Variants in AR observed in about 807,000 individuals in gnomAD.
The protein encoded by AR is androgen receptor.
AR carries 8 observed loss-of-function variants against 53.9 expected under a neutral mutation model. The ratio of observed to expected loss-of-function variants is 0.15; its 90% confidence interval spans 0.09 to 0.27. The LOEUF is 0.27. AR is among the 10% of genes least tolerant of loss of function. AR has a pLI of 1.00. For synonymous variants in AR, 359 were observed against 316.4 expected (o/e 1.13, Z -1.43); for missense variants, 639 against 742.5 (o/e 0.86, Z 1.62).
intron 1 of AR, among the ~76,000 whole-genome samples, chrX:67,590,498 G>C (rs1428689640): frequency 8.9e-6 from 1 of 112,000 alleles, no homozygotes; most frequent in African/African-American, 3.2e-5. Context: ...TGATAATAAT[G>C]ATATCTCACT....
chrX:67,659,997 G>T (rs1926799170), intron 2 of AR, among the ~76,000 whole-genome samples: 1 of 112,070 alleles, frequency 8.9e-6, no homozygotes, highest in South Asian at 3.7e-4. Flanking sequence ...GTGTCTGTTG[G>T]CTGTGTAAAT....
At chrX:67,660,076 G>C (rs1479258753) in intron 2 of AR, among the ~76,000 whole-genome samples, 10 of 111,489 alleles carry the variant, frequency 9.0e-5, no homozygotes, top group Non-Finnish European at 1.9e-5. Flanking sequence ...TTTTTTTCTT[G>C]TAAATTTGTT....
chrX:67,672,678 G>C (rs760459743), intron 2 of AR, among the ~76,000 whole-genome samples: 1 of 110,628 alleles, frequency 9.0e-6, no homozygotes, highest in East Asian at 2.9e-4. Flanking sequence ...TCACTTTGTC[G>C]TTTCTATTTA....
chrX:67,648,746 G>A (rs763050854), intron 2 of AR, among the ~76,000 whole-genome samples: 4 of 112,191 alleles, frequency 3.6e-5, no homozygotes, highest in Non-Finnish European at 7.5e-5. Flanking sequence ...GGATTAATAA[G>A]AAGTTGCCAT....
intron 1 of AR, among the ~76,000 whole-genome samples, chrX:67,617,167 G>T (rs953849673): frequency 9.0e-6 from 1 of 111,592 alleles, no homozygotes; most frequent in Non-Finnish European, 1.9e-5. Flanking sequence ...GTCTGGAAAT[G>T]GAGTTAATGA....
chrX:67,630,315 G>C (rs1259579627), intron 1 of AR, among the ~76,000 whole-genome samples: 2 of 111,088 alleles, frequency 1.8e-5, no homozygotes, highest in Non-Finnish European at 3.8e-5. Context: ...TATGAATCTG[G>C]GTGCTCCTGT....
chrX:67,674,137 CA>C (rs2075884131), intron 2 of AR, among the ~76,000 whole-genome samples: 1 of 110,114 alleles, frequency 9.1e-6, no homozygotes, highest in African/African-American at 3.3e-5. Flanking sequence ...TCTCTTCTCT[CA>C]CTTTCCCCCA....
At chrX:67,613,210 G>T (rs1418323646) in intron 1 of AR, among the ~76,000 whole-genome samples, 1 of 111,989 alleles carries the variant, frequency 8.9e-6, no homozygotes, top group Admixed American at 9.5e-5. Context: ...GTGTCATTCT[G>T]GGAGAAGCAG....
rs1569263728 is a variant in AR at position 67,545,418 on chromosome X, A to G, written c.272A>G (p.Gln91Arg). 1 of 1,197,597 alleles carries G rather than the reference A, an allele frequency of 8.4e-7. No individual in the cohort carries two copies. Among genetic ancestry groups the G allele is most frequent in the African/African-American group, 1.8e-5 (1 of 57,028 alleles). The part of the protein sequence containing the change: ...ETSPRQQQQQ[Q>R]GEDGSPQAHR... ...AGCCCCAGGCAGCAGCAGCAGCAGC[A>G]GGGTGAGGATGGTTCTCCCCAAGCC... Residue 91 changes from glutamine (Q) to arginine (R), a missense_variant, in exon 1 of 8, where the codon CAG (glutamine) becomes CGG (arginine). Physicochemically the swap from Gln to Arg is conservative, Grantham distance 43 (BLOSUM62 1). This residue lies in a region of AR where 55 missense variants were observed against 84.8 expected (regional missense o/e 0.65). Coordinates refer to ENST00000374690, the MANE Select transcript of AR (RefSeq NM_000044.6).
intron 1 of AR, among the ~76,000 whole-genome samples, chrX:67,604,345 A>G (rs950452131): frequency 2.8e-5 from 3 of 108,726 alleles, no homozygotes; most frequent in East Asian, 2.9e-4. Flanking sequence ...AGAGGCCTTA[A>G]AGGTGTTGAT....
intron 1 of AR, among the ~76,000 whole-genome samples, chrX:67,632,367 A>G (rs976461750): frequency 1.7e-4 from 19 of 112,560 alleles, no homozygotes; most frequent in African/African-American, 5.8e-4. Flanking sequence ...GCCCGTCAGA[A>G]AAACGCAGTA....
At chrX:67,576,827 C>A (rs1922067642) in intron 1 of AR, among the ~76,000 whole-genome samples, 1 of 110,384 alleles carries the variant, frequency 9.1e-6, no homozygotes, top group Non-Finnish European at 1.9e-5. Context: ...TAACTCTTGG[C>A]TGCATAACCC....
intron 2 of AR, among the ~76,000 whole-genome samples, chrX:67,685,526 G>T (rs1029627088): frequency 3.6e-5 from 4 of 111,472 alleles, no homozygotes; most frequent in Admixed American, 1.9e-4. Flanking sequence ...GTTATCTTTT[G>T]TAGAAATTTT....
At chrX:67,638,842 T>A (rs1250350675) in intron 1 of AR, among the ~76,000 whole-genome samples, 1 of 112,268 alleles carries the variant, frequency 8.9e-6, no homozygotes, top group Non-Finnish European at 1.9e-5. Context: ...TAGATCACAT[T>A]TGTCAATCTT....
chrX:67,614,358 A>T (rs1924014559), intron 1 of AR, among the ~76,000 whole-genome samples: 1 of 112,007 alleles, frequency 8.9e-6, no homozygotes, highest in Non-Finnish European at 1.9e-5. Flanking sequence ...GTTGGACTGA[A>T]TAGAAAAAGT....
At position 67,703,493 on chromosome X, in the gene AR, GTCTCC is replaced by G. The variant is rs1342639060; in HGVS notation, c.1886-7907_1886-7903del. On this transcript the variant is annotated intron_variant, in intron 3 of 7. Coordinates refer to ENST00000374690, the MANE Select transcript of AR (RefSeq NM_000044.6). ...ATTTCTATCATTCTTTCCAATGACT[GTCTCC>G]TAGCATAGTTCCCATTTTACAGACT... 2.7e-5 allele frequency among the ~76,000 whole-genome samples: 3 copies of G among 111,338 alleles called. No homozygotes were observed. In the East Asian group the frequency reaches 8.5e-4, roughly 31 times the overall value.
chrX:67,569,684 A>G (rs1921729145), intron 1 of AR, among the ~76,000 whole-genome samples: 1 of 110,625 alleles, frequency 9.0e-6, no homozygotes, highest in Admixed American at 9.6e-5. Flanking sequence ...GTCTATGTGG[A>G]TATCTCTCAC....
At chrX:67,695,235 C>A in intron 3 of AR, 1 of 754,204 alleles carries the variant, frequency 1.3e-6, no homozygotes, top group South Asian at 6.8e-5. Context: ...ATTCGTATTT[C>A]CCCCTTAGGT....
chrX:67,627,228 C>G (rs775355034), intron 1 of AR, among the ~76,000 whole-genome samples: 65 of 111,484 alleles, frequency 5.8e-4, no homozygotes, highest in African/African-American at 1.9e-3. Context: ...AAGGGTTGAA[C>G]TAGTTTACAG....
Sources: allele counts gnomAD v4.1 joint callset (sites outside exome capture counted in the v4.1 genomes callset), GRCh38; gene constraint gnomAD v4.1.1; regional missense constraint gnomAD v4.1.1; transcripts MANE v1.5; gene names NCBI Gene and HGNC (gene_info 2026-07-23, HGNC 2026-07-21).